Variants in PRKN observed in about 807,000 individuals in gnomAD.
PRKN encodes E3 ubiquitin-protein ligase parkin.
Under a neutral mutation model 59.5 loss-of-function variants are expected in PRKN, and 56 were observed. That is an observed-to-expected ratio of 0.94 (90% CI 0.76 to 1.18). The LOEUF is 1.18. Ranked by LOEUF, PRKN falls within the 50% of genes most tolerant of loss-of-function variation. PRKN has a pLI of 0.00. For missense variants in PRKN, 657 were observed against 596.4 expected, an observed-to-expected ratio of 1.10 and a Z score of -1.06; for synonymous variants, 250 against 222.1, an observed-to-expected ratio of 1.13 and a Z score of -1.12.
intron 2 of PRKN, among the ~76,000 whole-genome samples, chr6:162,345,395 T>A (rs1331360309): frequency 6.6e-6 from 1 of 152,188 alleles, no homozygotes; most frequent in Non-Finnish European, 1.5e-5. Flanking sequence ...ATGCATCCTT[T>A]TCAAGTAAAG....
At chr6:162,011,461 ATAT>A (rs1340677930) in intron 5 of PRKN, among the ~76,000 whole-genome samples, 1 of 27,542 alleles carries the variant, frequency 3.6e-5, no homozygotes, top group Non-Finnish European at 5.2e-5. Context: ...TATAATATAT[ATAT>A]TATAATATAT....
At chr6:161,945,885 T>C (rs1288090313) in intron 6 of PRKN, among the ~76,000 whole-genome samples, 4 of 152,214 alleles carry the variant, frequency 2.6e-5, no homozygotes, top group Non-Finnish European at 5.9e-5. Flanking sequence ...AGCCTTCTTT[T>C]ACTATTTTTA....
intron 6 of PRKN, among the ~76,000 whole-genome samples, chr6:161,950,350 G>A (rs1225418312): frequency 6.6e-6 from 1 of 152,096 alleles, no homozygotes; most frequent in Non-Finnish European, 1.5e-5. Context: ...TTCAAGACCA[G>A]CCTGGCCAAT....
chr6:161,506,138 T>C (rs926500677), intron 9 of PRKN, among the ~76,000 whole-genome samples: 2 of 151,544 alleles, frequency 1.3e-5, no homozygotes, highest in African/African-American at 4.9e-5. Flanking sequence ...TTTCACGATA[T>C]TGATTCTTCC....
intron 7 of PRKN, among the ~76,000 whole-genome samples, chr6:161,732,571 G>A (rs759890072): frequency 6.6e-6 from 1 of 151,760 alleles, no homozygotes; most frequent in Non-Finnish European, 1.5e-5. Flanking sequence ...CATTCAAGAT[G>A]CATACAGTGT....
At chr6:161,879,687 G>C (rs1222643486) in intron 6 of PRKN, among the ~76,000 whole-genome samples, 1 of 152,072 alleles carries the variant, frequency 6.6e-6, no homozygotes, top group Non-Finnish European at 1.5e-5. Flanking sequence ...TAGTGTCAAA[G>C]GGTTTATAAA....
intron 2 of PRKN, among the ~76,000 whole-genome samples, chr6:162,282,842 T>C (rs1474035793): frequency 6.6e-6 from 1 of 152,158 alleles, no homozygotes; most frequent in Non-Finnish European, 1.5e-5. Context: ...TGGGATTAAG[T>C]GATGGAAGAG....
intron 2 of PRKN, among the ~76,000 whole-genome samples, chr6:162,413,838 G>A (rs768231790): frequency 6.6e-6 from 1 of 152,162 alleles, no homozygotes; most frequent in Non-Finnish European, 1.5e-5. Context: ...AGAAAGCACA[G>A]ACACAGGCAG....
intron 1 of PRKN, among the ~76,000 whole-genome samples, chr6:162,684,599 T>C (rs1779897120): frequency 6.6e-6 from 1 of 152,278 alleles, no homozygotes; most frequent in East Asian, 1.9e-4. Context: ...TCAATGTTGC[T>C]GATTCTCGAA....
Position 161,579,036 on chromosome 6 carries a change from C to T in PRKN, c.872-9620G>A, listed in dbSNP as rs1341735528. Among the ~76,000 whole-genome samples, 1 of 152,174 alleles carries T rather than the reference C, an allele frequency of 6.6e-6. No individual in the cohort carries two copies. The highest frequency in any genetic ancestry group is 1.5e-5 in the Non-Finnish European group (1 of 68,036). ...TGGCTGGTCAACACATGAGTGGCCACTGGGAATGGGAGGCTCTCAGAGTGA... is the reference window on the plus strand; with the variant it reads ...TGGCTGGTCAACACATGAGTGGCCATTGGGAATGGGAGGCTCTCAGAGTGA... On this transcript the variant is annotated intron_variant, in intron 7 of 11. Transcript: ENST00000366898. This position sits in a 1 kb window ranked among gnomAD's most constrained non-coding sequence, Gnocchi z 4.2.
chr6:161,994,398 C>T (rs1331532357), intron 5 of PRKN, among the ~76,000 whole-genome samples: 1 of 152,074 alleles, frequency 6.6e-6, no homozygotes, highest in Non-Finnish European at 1.5e-5. Context: ...AACGTCTATC[C>T]TCTAAAGGAC....
At chr6:161,983,906 TAAAAA>T (rs767783163) in intron 5 of PRKN, among the ~76,000 whole-genome samples, 4 of 117,288 alleles carry the variant, frequency 3.4e-5, no homozygotes, top group South Asian at 4.6e-4. Context: ...TAGAGTATAA[TAAAAA>T]AAAAAAAAAT....
At chr6:161,472,327 C>T (rs1790834915) in intron 9 of PRKN, among the ~76,000 whole-genome samples, 1 of 152,098 alleles carries the variant, frequency 6.6e-6, no homozygotes, top group African/African-American at 2.4e-5. Flanking sequence ...TCCATGACAC[C>T]TACTATCCCT....
chr6:161,823,089 T>C (rs1290420027), intron 6 of PRKN, among the ~76,000 whole-genome samples: 1 of 150,290 alleles, frequency 6.7e-6, no homozygotes, highest in Admixed American at 6.7e-5. Context: ...CACATGCTAC[T>C]ATGCCAGGCT....
At chr6:161,880,856 G>A (rs1187129747) in intron 6 of PRKN, among the ~76,000 whole-genome samples, 1 of 152,106 alleles carries the variant, frequency 6.6e-6, no homozygotes, top group Non-Finnish European at 1.5e-5. Context: ...TTCTGAAAAA[G>A]CACCCAAGAA....
intron 7 of PRKN, among the ~76,000 whole-genome samples, chr6:161,781,731 A>G (rs1291451844): frequency 1.3e-5 from 2 of 152,232 alleles, no homozygotes; most frequent in Admixed American, 6.5e-5. Context: ...AAAATAATAT[A>G]TGTAACCTGT....
intron 1 of PRKN, among the ~76,000 whole-genome samples, chr6:162,592,087 C>A (rs1781332930): frequency 6.6e-6 from 1 of 152,160 alleles, no homozygotes; most frequent in Non-Finnish European, 1.5e-5. Context: ...GCAACCTCCA[C>A]CTCCCGGGTT....
intron 7 of PRKN, among the ~76,000 whole-genome samples, chr6:161,573,765 T>A (rs1304053406): frequency 9.4e-5 from 5 of 53,212 alleles, no homozygotes; most frequent in African/African-American, 6.7e-4. Flanking sequence ...AATATATATA[T>A]ATATATATAT....
chr6:162,434,773 C>T (rs1562762137), intron 2 of PRKN, among the ~76,000 whole-genome samples: 1 of 152,132 alleles, frequency 6.6e-6, no homozygotes, highest in Non-Finnish European at 1.5e-5. Context: ...TGAAGGAGCA[C>T]ACATACTCCC....
Sources: gnomAD v4.1 joint callset for allele counts (sites outside exome capture counted in the v4.1 genomes callset) on GRCh38, gnomAD v4.1.1 for gene constraint, Gnocchi (gnomAD v3.1) non-coding constraint, MANE v1.5 for transcripts, NCBI Gene and HGNC (gene_info 2026-07-23, HGNC 2026-07-21) for gene names.